Variants in LYST observed in about 807,000 individuals in gnomAD.
The protein encoded by LYST is lysosomal trafficking regulator.
A neutral mutation model predicts 413.6 loss-of-function variants in LYST; 192 were observed. That is an observed-to-expected ratio of 0.46 (90% CI 0.41 to 0.52). The LOEUF (loss-of-function observed/expected upper bound fraction) is 0.52. LYST is among the 20% of genes least tolerant of loss of function. LYST has a pLI of 0.00. For synonymous variants in LYST, 1,525 were observed against 1,567.3 expected, an observed-to-expected ratio of 0.97 and a Z score of 0.64; for missense variants, 3,815 against 4,499.9, an observed-to-expected ratio of 0.85 and a Z score of 4.35.
chr1:235,785,176 C>T (rs1404902719), intron 14 of LYST, among the ~76,000 whole-genome samples: 2 of 152,202 alleles, frequency 1.3e-5, no homozygotes, highest in Admixed American at 1.3e-4. Flanking sequence ...ATTCCATCTC[C>T]TCCTTCAGGT....
chr1:235,839,174 CAA>C (rs2103037082), intron 1 of LYST, among the ~76,000 whole-genome samples: 1 of 151,616 alleles, frequency 6.6e-6, no homozygotes, highest in Non-Finnish European at 1.5e-5. Flanking sequence ...CCAACTTTTT[CAA>C]AATCTTAGCT....
chr1:235,792,745 C>G (rs1427745553), intron 11 of LYST, among the ~76,000 whole-genome samples: 2 of 151,228 alleles, frequency 1.3e-5, no homozygotes, highest in Non-Finnish European at 2.9e-5. Flanking sequence ...CTCACTGCAA[C>G]CTTTGCCTCC....
rs1335872465 is a variant in LYST at position 235,788,742 on chromosome 1, G to A, written c.4647C>T (p.Ile1549=). The A allele has an allele frequency of 6.2e-7, 1 of 1,613,664 alleles. No homozygotes were observed. Among genetic ancestry groups the A allele is most frequent in the Admixed American group, 1.7e-5 (1 of 59,976 alleles). Residue 1549 remains isoleucine, a synonymous_variant, in exon 13 of 53, where the codon ATC becomes ATT. Coordinates refer to ENST00000389793, the MANE Select transcript of LYST (RefSeq NM_000081.4). The part of the protein sequence containing the change: ...IISLGSKALM[I]QVWADPHNAT... ...CATTGTGGGGATCAGCCCACACTTG[G>A]ATCATCAACGCTTTGGATCCCAGTG...
Position 235,830,360 on chromosome 1 carries a change from A to C in LYST, c.58T>G (p.Cys20Gly), listed in dbSNP as rs556924327. 6.2e-7 allele frequency: 1 copy of C among 1,613,938 alleles called. No homozygotes were observed. Among genetic ancestry groups the C allele is most frequent in the South Asian group, 1.1e-5 (1 of 91,046 alleles). Residue 20 changes from cysteine to glycine, a missense_variant, in exon 3 of 53, where the codon TGC (cysteine) becomes GGC (glycine). This residue lies in a region of LYST where 1,648 missense variants were observed against 1,810.3 expected (regional missense o/e 0.91). Coordinates refer to ENST00000389793, the MANE Select transcript of LYST (RefSeq NM_000081.4). ...REFLTDVNRL[C>G]NAVVQRVEAR... ...TCCACCCTCTGGACCACTGCATTGC[A>C]AAGCCGGTTGACATCGGTCAGAAAT... is the stretch of plus-strand genomic sequence containing the variant.
intron 50 of LYST, among the ~76,000 whole-genome samples, chr1:235,669,618 T>C (rs1238840360): frequency 2.6e-5 from 4 of 152,226 alleles, no homozygotes; most frequent in Non-Finnish European, 5.9e-5. Flanking sequence ...CCCATCAGAC[T>C]GATTGTGGGA....
In LYST at chr1:235,702,830, C is replaced by T; in HGVS notation, c.10291G>A (p.Gly3431Arg). The change falls in exon 45 of 53, where the codon GGA becomes AGA. Residue 3431 changes from glycine to arginine, a missense_variant. Gly to Arg is a moderately radical substitution (Grantham distance 125). Transcript: ENST00000389793. ...AACCCCACAGCAGCTGGAAGCTCTC[C>T]TTCAATATTGAGCTTGGCTCCAGGT... ...SRPGAKLNIE[G>R]ELPAAVGLLV... The T allele has an allele frequency of 6.2e-7, 1 of 1,614,176 alleles. No homozygotes were observed. The highest frequency in any genetic ancestry group is 8.5e-7 in the Non-Finnish European group (1 of 1,180,018).
At chr1:235,693,200 C>T (rs1660812915) in intron 47 of LYST, 150 bp downstream of exon 47, 1 of 616,036 alleles carries the variant, frequency 1.6e-6, no homozygotes, top group Non-Finnish European at 2.8e-6. Context: ...GCCTGTAGTC[C>T]CAGCTACTTG....
At chr1:235,866,763 G>A (rs1680583139) in intron 1 of LYST, 80 bp downstream of exon 1, 1 of 152,182 alleles carries the variant, frequency 6.6e-6, no homozygotes, top group East Asian at 1.9e-4. Flanking sequence ...GCCCCAAACC[G>A]CCTCCCCTCC....
intron 1 of LYST, among the ~76,000 whole-genome samples, chr1:235,877,429 C>T (rs999306501): frequency 2.0e-5 from 3 of 152,212 alleles, no homozygotes; most frequent in Admixed American, 6.5e-5. Flanking sequence ...TTTTTGGAGA[C>T]GGGGTTTTGC....
Position 235,841,630 on chromosome 1 carries a change from TGAA to T in LYST, c.-97-7966_-97-7964del, listed in dbSNP as rs540669027. Among the ~76,000 whole-genome samples the T allele has an allele frequency of 9.2e-5, 14 of 152,042 alleles. 1 individual carries two copies. In the South Asian group the frequency reaches 1.2e-3, roughly 13 times the overall value. On this transcript the variant is annotated intron_variant, in intron 1 of 52. Transcript: ENST00000389793. ...AGACAGGGGCAAGAGAACGAATGAA[TGAA>T]GGACAAAATTCATGGAGAAAATAAG...
chr1:235,875,357 T>C (rs967415713), intron 1 of LYST, among the ~76,000 whole-genome samples: 2 of 152,226 alleles, frequency 1.3e-5, no homozygotes, highest in Non-Finnish European at 2.9e-5. Flanking sequence ...CAATCACTTA[T>C]TGAAAAACCT....
intron 1 of LYST, among the ~76,000 whole-genome samples, chr1:235,857,898 G>T (rs954947199): frequency 2.0e-5 from 3 of 151,972 alleles, no homozygotes; most frequent in Non-Finnish European, 2.9e-5. Flanking sequence ...TATTCTCCTA[G>T]TTTCCCAAGA....
Position 235,697,161 on chromosome 1 carries a change from G to T in LYST, c.10486C>A (p.Leu3496Ile). Reference sequence around the variant, plus strand: ...ATTGCTCTGGTGGGCAGAGCCTGGAGAGAGCCAAATCTTTCTCCGTGGGGC... The same window carrying T: ...ATTGCTCTGGTGGGCAGAGCCTGGATAGAGCCAAATCTTTCTCCGTGGGGC... ...SQPHGERFGSLQALPTRAICG... is the reference protein window; with the variant it reads ...SQPHGERFGSIQALPTRAICG... Residue 3496 changes from leucine (L) to isoleucine (I), a missense_variant, in exon 46 of 53, where the codon CTC becomes ATC. By Grantham distance (5) the Leu-to-Ile change is conservative. Around this residue, in one of 4 missense-constraint regions of LYST, gnomAD observed 866 missense variants for 1,156.0 expected, o/e 0.75. Transcript: ENST00000389793. The T allele has an allele frequency of 6.2e-7, 1 of 1,614,226 alleles. No homozygotes were observed. The highest frequency in any genetic ancestry group is 8.5e-7 in the Non-Finnish European group (1 of 1,180,038).
At chr1:235,807,631 TTTTGTA>T (rs1409013295) in intron 5 of LYST, among the ~76,000 whole-genome samples, 26 of 152,296 alleles carry the variant, frequency 1.7e-4, no homozygotes, top group African/African-American at 6.0e-4. Flanking sequence ...GATAGGTTAT[TTTTGTA>T]TAAGTTTCTA....
At chr1:235,760,340 A>G (rs1309356574) in intron 22 of LYST, among the ~76,000 whole-genome samples, 1 of 152,170 alleles carries the variant, frequency 6.6e-6, no homozygotes, top group African/African-American at 2.4e-5. Context: ...AAAAAATGGT[A>G]GTACTTGTTG....
upstream of LYST, among the ~76,000 whole-genome samples, chr1:235,868,997 G>A (rs67551776): frequency 0.27 from 41,074 of 151,828 alleles, 7,311 homozygotes; most frequent in East Asian, 0.78. Context: ...TCCTGGCCTC[G>A]GTTCCAGTAT....
chr1:235,765,753 T>C (rs1668077842), intron 21 of LYST, among the ~76,000 whole-genome samples: 1 of 152,196 alleles, frequency 6.6e-6, no homozygotes, highest in African/African-American at 2.4e-5. Context: ...TATTAAATAT[T>C]CTCTCCACAG....
In LYST at chr1:235,751,379, C is replaced by T. The variant is rs762042545; in HGVS notation, c.7628-17G>A. The T allele has an allele frequency of 3.1e-6, 5 of 1,607,636 alleles. No homozygotes were observed. The highest frequency in any genetic ancestry group is 4.3e-6 in the Non-Finnish European group (5 of 1,174,810). On this transcript the variant is annotated splice_polypyrimidine_tract_variant and intron_variant, in intron 27 of 52. Coordinates refer to ENST00000389793, the MANE Select transcript of LYST (RefSeq NM_000081.4). ...CAGCCATATCTAAAAACAGAAGATACTAGAATGTTTTCAAGCTATGTGGTT... is the reference window on the plus strand; with the variant it reads ...CAGCCATATCTAAAAACAGAAGATATTAGAATGTTTTCAAGCTATGTGGTT...
At chr1:235,837,213 A>T (rs113523686) in intron 1 of LYST, among the ~76,000 whole-genome samples, 1 of 152,218 alleles carries the variant, frequency 6.6e-6, no homozygotes, top group South Asian at 2.1e-4. Context: ...TAAGTATCCA[A>T]CACAGGAGAC....
Sources: allele counts gnomAD v4.1 joint callset (sites outside exome capture counted in the v4.1 genomes callset), GRCh38; gene constraint gnomAD v4.1.1; regional missense constraint gnomAD v4.1.1; transcripts MANE v1.5; gene names NCBI Gene and HGNC (gene_info 2026-07-23, HGNC 2026-07-21).